The following TM4SF19 variants were observed in gnomAD, a reference collection of about 807,000 sequenced individuals.
The protein encoded by TM4SF19 is transmembrane 4 L six family member 19.
TM4SF19 carries 17 observed loss-of-function variants against 21.8 expected under a neutral mutation model. The observed-to-expected ratio is 0.78, with a 90% CI of 0.53 to 1.17. TM4SF19 has a LOEUF of 1.17. Ranked by LOEUF, TM4SF19 falls within the 50% of genes most tolerant of loss-of-function variation. The pLI is 0.00. For synonymous variants in TM4SF19, 107 were observed against 106.7 expected (o/e 1.00, Z -0.02); for missense variants, 216 against 252.1 (o/e 0.86, Z 0.97).
chr3:196,329,680 AT>A (rs1192467102), intron 1 of TM4SF19, among the ~76,000 whole-genome samples: 2 of 123,118 alleles, frequency 1.6e-5, no homozygotes, highest in African/African-American at 5.4e-5. Flanking sequence ...AAAAAAAAAA[AT>A]CATGCTAAAA....
rs1394817542 is a variant in TM4SF19 at position 196,327,466 on chromosome 3, T to A, written c.125A>T (p.Asp42Val). 4 of 1,613,994 alleles carry A rather than the reference T, an allele frequency of 2.5e-6. No individual in the cohort carries two copies. The highest frequency in any genetic ancestry group is 3.4e-6 in the Non-Finnish European group (4 of 1,180,040). Residue 42 changes from aspartate (D) to valine (V), a missense_variant, in exon 2 of 5, where the codon GAT (aspartate) becomes GTT (valine). Physicochemically the swap from Asp to Val is radical, Grantham distance 152 (BLOSUM62 -3). Coordinates refer to ENST00000273695, the MANE Select transcript of TM4SF19 (RefSeq NM_138461.4). ...GAGGCCCCTCAACAGGTAGGTGACA[T>A]CCCAGTTAGGAAGGAGGAGTGCCAC... is the stretch of plus-strand genomic sequence containing the variant. ...ANVALLLPNW[D>V]VTYLLRGLLG...
intron 1 of TM4SF19, among the ~76,000 whole-genome samples, chr3:196,337,051 CTTTTTTTTTTTTTTTT>C (rs35897935): frequency 2.9e-5 from 2 of 67,816 alleles, no homozygotes; most frequent in African/African-American, 1.3e-4. Flanking sequence ...AAAAGCAATT[CTTTTTTTTTTTTTTTT>C]TTTTTTTTTT....
Position 196,323,586 on chromosome 3 carries a change from C to A in TM4SF19, c.*231G>T. ...ATTTTATGGACTATAAATTCCTAAACAATTATAATAACTTAGTTATTTATC... is the reference window on the plus strand; with the variant it reads ...ATTTTATGGACTATAAATTCCTAAAAAATTATAATAACTTAGTTATTTATC... On this transcript the variant is annotated 3_prime_UTR_variant, in exon 5 of 5. Coordinates refer to ENST00000273695, the MANE Select transcript of TM4SF19 (RefSeq NM_138461.4). 2.4e-6 allele frequency: 2 copies of A among 823,308 alleles called. No homozygotes were observed. Among genetic ancestry groups the A allele is most frequent in the Non-Finnish European group, 3.7e-6 (2 of 541,714 alleles). 51.0% of individuals were successfully genotyped at this position (823,308 alleles called of 1,614,324 possible). A position where few individuals can be genotyped will look rare whatever the true frequency, so the allele number is the denominator to read the frequency against.
Position 196,323,689 on chromosome 3 carries a change from G to C in TM4SF19, c.*128C>G. 1 of 1,539,480 alleles carries C rather than the reference G, an allele frequency of 6.5e-7. No homozygotes were observed. On this transcript the variant is annotated 3_prime_UTR_variant, in exon 5 of 5. Transcript: ENST00000273695. ...ATTCCACCGACCTGCAGTGAATTTT[G>C]TTGTCATTATTACTCCAGGGATACC...
At chr3:196,326,912 T>G in intron 3 of TM4SF19, 43 bp downstream of exon 3, 15 of 1,547,098 alleles carry the variant, frequency 9.7e-6, no homozygotes, top group African/African-American at 1.4e-5. Flanking sequence ...GTAATAGAGG[T>G]GGAGACATTC....
intron 1 of TM4SF19, among the ~76,000 whole-genome samples, chr3:196,336,889 A>G (rs1727781338): frequency 6.6e-6 from 1 of 152,118 alleles, no homozygotes; most frequent in Non-Finnish European, 1.5e-5. Flanking sequence ...CTCGCCACCC[A>G]GCAAGGCTTT....
intron 1 of TM4SF19, 82 bp from the exon 2 acceptor site, chr3:196,327,673 G>A (rs931453173): frequency 8.1e-7 from 1 of 1,239,144 alleles, no homozygotes; most frequent in South Asian, 1.3e-5. Context: ...TCATGGGTGA[G>A]GGAAACAGAC....
rs1727210517 is a variant in TM4SF19 at position 196,324,558 on chromosome 3, C to T, written c.280-118G>A. On this transcript the variant is annotated intron_variant, in intron 3 of 4. Coordinates refer to ENST00000273695, the MANE Select transcript of TM4SF19 (RefSeq NM_138461.4). ...GCTGGGGAGTCTGTGGGGCGGTCTG[C>T]ACAGGTCTGACTTCTCTGGTCTCAG... is the stretch of plus-strand genomic sequence containing the variant. 5 of 1,008,906 alleles carry T rather than the reference C, an allele frequency of 5.0e-6. No homozygotes were observed. The African/African-American group carries it at 8.1e-5, about 16-fold the overall frequency. 62.5% of individuals were successfully genotyped at this position (1,008,906 alleles called of 1,614,324 possible). A position where few individuals can be genotyped will look rare whatever the true frequency, so the allele number is the denominator to read the frequency against.
At chr3:196,330,343 C>T (rs998526163) in intron 1 of TM4SF19, among the ~76,000 whole-genome samples, 15 of 152,058 alleles carry the variant, frequency 9.9e-5, no homozygotes, top group Admixed American at 5.9e-4. Context: ...AATGGTTGCA[C>T]ATCATTGCAA....
Position 196,326,976 on chromosome 3 carries a change from A to T in TM4SF19, c.258T>A (p.Ser86Arg), listed in dbSNP as rs1727316704. ...TTACGCTTCGACAGAGCCCACTCTT[A>T]CTGAAGCAGCCGTATCTCCAGCCCA... ...SLMGWRYGCF[S>R]KSGLCRSVLT... The change falls in exon 3 of 5, where the codon AGT becomes AGA. Residue 86 changes from serine to arginine, a missense_variant. By Grantham distance (110) the Ser-to-Arg change is moderately radical. Coordinates refer to ENST00000273695, the MANE Select transcript of TM4SF19 (RefSeq NM_138461.4). The T allele has an allele frequency of 4.3e-6, 7 of 1,611,766 alleles. No homozygotes were observed. Among genetic ancestry groups the T allele is most frequent in the Non-Finnish European group, 5.9e-6 (7 of 1,178,006 alleles).
At chr3:196,326,421 AC>A (rs1727295058) in intron 3 of TM4SF19, among the ~76,000 whole-genome samples, 1 of 151,946 alleles carries the variant, frequency 6.6e-6, no homozygotes, top group Admixed American at 6.6e-5. Flanking sequence ...TGTGTTTGTT[AC>A]ACACACATAT....
intron 1 of TM4SF19, among the ~76,000 whole-genome samples, chr3:196,328,166 G>C (rs1199152931): frequency 2.0e-5 from 3 of 152,264 alleles, no homozygotes; most frequent in East Asian, 3.9e-4. Flanking sequence ...TGGGCACGGT[G>C]GTGGGTGCCT....
Position 196,326,955 on chromosome 3 carries a change from G to A in TM4SF19, c.279C>T (p.Ser93=), listed in dbSNP as rs752781524. ...GCFSKSGLCR[S]VLTALLSGGL... is the part of the protein sequence containing the mutation. ...TAGAAGAGTGGAATCTGGTGCTTAC[G>A]CTTCGACAGAGCCCACTCTTACTGA... Residue 93 remains serine (S), a splice_region_variant and synonymous_variant, in exon 3 of 5, where the codon AGC becomes AGT. Coordinates refer to ENST00000273695, the MANE Select transcript of TM4SF19 (RefSeq NM_138461.4). 8.1e-6 allele frequency: 13 copies of A among 1,608,690 alleles called. No homozygotes were observed. The highest frequency in any genetic ancestry group is 4.5e-5 in the East Asian group (2 of 44,686).
intron 2 of TM4SF19, 36 bp downstream of exon 2, chr3:196,327,354 T>C (rs1254468853): frequency 1.4e-5 from 22 of 1,602,988 alleles, no homozygotes; most frequent in Non-Finnish European, 1.6e-5. Flanking sequence ...CGGGGTCTCT[T>C]TGAGAGTTCA....
chr3:196,329,981 C>G lies in TM4SF19; in HGVS notation c.-1-2390G>C, dbSNP rs922973146. Among the ~76,000 whole-genome samples the G allele has an allele frequency of 2.1e-5, 3 of 144,788 alleles. 1 individual carries two copies. The highest frequency in any genetic ancestry group is 4.6e-5 in the Non-Finnish European group (3 of 65,732). The allele number at this position is 144,788 out of a possible 152,430, so 95.0% of individuals were successfully genotyped here. On this transcript the variant is annotated intron_variant, in intron 1 of 4. Coordinates refer to ENST00000273695, the MANE Select transcript of TM4SF19 (RefSeq NM_138461.4). Reference sequence around the variant, plus strand: ...CTGCCTCCTGGGCTCAAGCAATTCTCCTGCCTCAGCCTCCCAAGTAGCTGG... The same window carrying G: ...CTGCCTCCTGGGCTCAAGCAATTCTGCTGCCTCAGCCTCCCAAGTAGCTGG...
At chr3:196,336,730 A>C (rs1188647314) in intron 1 of TM4SF19, among the ~76,000 whole-genome samples, 1 of 152,252 alleles carries the variant, frequency 6.6e-6, no homozygotes, top group Non-Finnish European at 1.5e-5. Flanking sequence ...GTAAAACCTT[A>C]AAACCAGGCT....
Position 196,324,297 on chromosome 3 carries a change from A to G in TM4SF19, c.423T>C (p.Gly141=). 1 of 1,614,184 alleles carries G rather than the reference A, an allele frequency of 6.2e-7. No homozygotes were observed. Among genetic ancestry groups the G allele is most frequent in the Non-Finnish European group, 8.5e-7 (1 of 1,180,042 alleles). The part of the protein sequence containing the change: ...SFNQTQAWKY[G]YPFKDLHSRN... ...TACTATGCAGGTCTTTGAATGGGTA[A>G]CCATATTTCCAAGCTTGTGTCTGAT... Residue 141 remains glycine (G), a synonymous_variant, in exon 4 of 5, where the codon GGT becomes GGC. Transcript: ENST00000273695.
intron 3 of TM4SF19, among the ~76,000 whole-genome samples, chr3:196,326,536 T>C (rs1287185284): frequency 6.6e-6 from 1 of 152,144 alleles, no homozygotes; most frequent in African/African-American, 2.4e-5. Flanking sequence ...GATTAGAATC[T>C]AGTGATTAGA....
intron 1 of TM4SF19, among the ~76,000 whole-genome samples, chr3:196,337,338 C>T (rs1451417584): frequency 6.6e-6 from 1 of 152,042 alleles, no homozygotes; most frequent in Non-Finnish European, 1.5e-5. Context: ...CGGGAGAGGG[C>T]CTCTACCCCA....
Sources: allele counts gnomAD v4.1 joint callset (sites outside exome capture counted in the v4.1 genomes callset), GRCh38; gene constraint gnomAD v4.1.1; transcripts MANE v1.5; gene names NCBI Gene and HGNC (gene_info 2026-07-23, HGNC 2026-07-21).